Variants in DTHD1 observed in about 807,000 individuals in gnomAD.
The protein encoded by DTHD1 is death domain-containing protein 1.
In DTHD1, 59 loss-of-function variants were observed where a neutral mutation model predicts 74.8. The observed-to-expected ratio is 0.79, with a 90% CI of 0.64 to 0.98. The LOEUF is 0.98. DTHD1 is among the 50% of genes least tolerant of loss of function. The pLI is 0.00. For missense variants in DTHD1, 1,051 were observed against 1,065.4 expected, an observed-to-expected ratio of 0.99 and a Z score of 0.19; for synonymous variants, 365 against 371.1, an observed-to-expected ratio of 0.98 and a Z score of 0.19.
At chr4:36,331,181 GTAAA>G (rs1380763813) in intron 8 of DTHD1, among the ~76,000 whole-genome samples, 1 of 151,890 alleles carries the variant, frequency 6.6e-6, no homozygotes, top group African/African-American at 2.4e-5. Context: ...TTATAATAAA[GTAAA>G]TAACCCTTTA....
In DTHD1 at chr4:36,308,466, A is replaced by G. The variant is rs1757191525; in HGVS notation, c.2068A>G (p.Arg690Gly). The change falls in exon 7 of 10, where the codon AGA becomes GGA. Residue 690 changes from arginine to glycine, a missense_variant. Coordinates refer to ENST00000639862, the MANE Select transcript of DTHD1 (RefSeq NM_001170700.3). ...TCGAGAAGGAGAACAACTTCTTTTA[A>G]GATTTACTGGAAACATATTTGCTTC... ...QVREGEQLLL[R>G]FTGNIFASSN... 3.2e-6 allele frequency: 5 copies of G among 1,551,340 alleles called. No individual in the cohort carries two copies. Among genetic ancestry groups the G allele is most frequent in the Non-Finnish European group, 3.5e-6 (4 of 1,146,794 alleles).
chr4:36,285,279 A>G (rs1383691950), intron 2 of DTHD1, among the ~76,000 whole-genome samples: 2 of 152,180 alleles, frequency 1.3e-5, no homozygotes, highest in African/African-American at 4.8e-5. Context: ...AAAAACTAGA[A>G]GACTGTAGGG....
In DTHD1 at chr4:36,281,637, G is replaced by T; in HGVS notation, c.-122G>T. ...AATAACCACTATGTTGTGAGAAAGT[G>T]CTGGGCTAGCTGACTCGGATCATCT... is the stretch of plus-strand genomic sequence containing the variant. On this transcript the variant is annotated 5_prime_UTR_variant, in exon 1 of 10. Transcript: ENST00000639862. 3 of 1,227,950 alleles carry T rather than the reference G, an allele frequency of 2.4e-6. No individual in the cohort carries two copies. Among genetic ancestry groups the T allele is most frequent in the Non-Finnish European group, 3.0e-6 (3 of 984,272 alleles). 76.1% of individuals were successfully genotyped at this position (1,227,950 alleles called of 1,614,324 possible). A position where few individuals can be genotyped will look rare whatever the true frequency, so the allele number is the denominator to read the frequency against.
intron 5 of DTHD1, among the ~76,000 whole-genome samples, chr4:36,302,221 G>A (rs565903677): frequency 2.6e-5 from 4 of 152,278 alleles, no homozygotes; most frequent in Non-Finnish European, 5.9e-5. Flanking sequence ...AGATCATGGG[G>A]GATCTTCCGT....
chr4:36,313,628 C>T (rs576166294), intron 7 of DTHD1, among the ~76,000 whole-genome samples: 24 of 152,122 alleles, frequency 1.6e-4, no homozygotes, highest in Non-Finnish European at 3.4e-4. Flanking sequence ...AATTTCATCC[C>T]AACTACATAT....
chr4:36,326,595 A>G (rs1758360333), intron 8 of DTHD1, among the ~76,000 whole-genome samples: 1 of 152,232 alleles, frequency 6.6e-6, no homozygotes, highest in South Asian at 2.1e-4. Flanking sequence ...CAGGGTTGAG[A>G]GCACTGCTCA....
At chr4:36,291,895 G>A (rs887386923) in intron 3 of DTHD1, among the ~76,000 whole-genome samples, 1 of 152,060 alleles carries the variant, frequency 6.6e-6, no homozygotes, top group African/African-American at 2.4e-5. Flanking sequence ...TTTTCTTTGG[G>A]CCACTGAACT....
At chr4:36,301,901 A>G (rs1756796729) in intron 5 of DTHD1, among the ~76,000 whole-genome samples, 1 of 152,144 alleles carries the variant, frequency 6.6e-6, no homozygotes. Flanking sequence ...ATAGAGAAAG[A>G]AATTTGAATG....
chr4:36,335,005 G>C (rs1294207154), intron 8 of DTHD1, among the ~76,000 whole-genome samples: 2 of 152,198 alleles, frequency 1.3e-5, no homozygotes, highest in Non-Finnish European at 2.9e-5. Context: ...ATCAGTGAAT[G>C]TCTAATTGGG....
At chr4:36,290,252 T>C (rs2109452366) in intron 2 of DTHD1, 121 bp from the exon 3 acceptor site, 1 of 1,041,468 alleles carries the variant, frequency 9.6e-7, no homozygotes, top group African/African-American at 1.6e-5. Flanking sequence ...GGTCACAGAG[T>C]TGATCAGAAC....
intron 2 of DTHD1, among the ~76,000 whole-genome samples, chr4:36,286,497 C>T (rs1220222642): frequency 6.6e-6 from 1 of 152,170 alleles, no homozygotes. Flanking sequence ...GTTGTCAATT[C>T]CCCCGTATAG....
At chr4:36,287,905 T>C (rs567467024) in intron 2 of DTHD1, among the ~76,000 whole-genome samples, 2 of 152,332 alleles carry the variant, frequency 1.3e-5, no homozygotes, top group African/African-American at 2.4e-5. Context: ...GATATATAGA[T>C]TGAGAAGATT....
intron 2 of DTHD1, among the ~76,000 whole-genome samples, chr4:36,286,548 T>C (rs187169416): frequency 6.6e-6 from 1 of 152,320 alleles, no homozygotes; most frequent in Non-Finnish European, 1.5e-5. Flanking sequence ...TGTCCTGGTG[T>C]ATACAAAAAG....
At chr4:36,307,428 C>G (rs966958549) in intron 6 of DTHD1, among the ~76,000 whole-genome samples, 9 of 152,306 alleles carry the variant, frequency 5.9e-5, no homozygotes, top group Admixed American at 1.3e-4. Context: ...AAATTTCCCT[C>G]TTTTATGACA....
At position 36,316,487 on chromosome 4, in the gene DTHD1, G is replaced by C; in HGVS notation, c.2340+1G>C. ...CAAATTACCATTGAAATTGCCAAAGGTGAGTTATTTTACTTTTCTAATTAC... is the reference window on the plus strand; with the variant it reads ...CAAATTACCATTGAAATTGCCAAAGCTGAGTTATTTTACTTTTCTAATTAC... On this transcript the variant is annotated splice_donor_variant, in intron 8 of 9. Transcript: ENST00000639862. LOFTEE classifies it high-confidence loss of function. 1 of 1,545,334 alleles carries C rather than the reference G, an allele frequency of 6.5e-7. No individual in the cohort carries two copies. The highest frequency in any genetic ancestry group is 8.7e-7 in the Non-Finnish European group (1 of 1,145,296).
rs1364767474 is a variant in DTHD1 at position 36,344,629 on chromosome 4, A to C, written c.*805A>C. On this transcript the variant is annotated 3_prime_UTR_variant, in exon 10 of 10. Coordinates refer to ENST00000639862, the MANE Select transcript of DTHD1 (RefSeq NM_001170700.3). ...ATTGTAAATATTTCTGATCAGTCCTAAGGTCTGTTGAAATTTATGCTGGCC... is the reference window on the plus strand; with the variant it reads ...ATTGTAAATATTTCTGATCAGTCCTCAGGTCTGTTGAAATTTATGCTGGCC... 3.3e-5 allele frequency: 5 copies of C among 152,186 alleles called. No individual in the cohort carries two copies. Among genetic ancestry groups the C allele is most frequent in the Non-Finnish European group, 5.9e-5 (4 of 68,040 alleles). The allele number at this position is 152,186 out of a possible 1,614,324, so 9.4% of individuals were successfully genotyped here.
intron 8 of DTHD1, among the ~76,000 whole-genome samples, chr4:36,329,286 T>G (rs1201770713): frequency 2.0e-5 from 3 of 152,146 alleles, no homozygotes; most frequent in African/African-American, 4.8e-5. Context: ...ATAGTGGTTT[T>G]TCTCTTTACC....
chr4:36,295,174 G>T, intron 5 of DTHD1, 135 bp downstream of exon 5: 2 of 1,145,016 alleles, frequency 1.7e-6, no homozygotes, highest in East Asian at 2.8e-5. Context: ...CTAGAAAGAA[G>T]ATATTGTGGA....
chr4:36,333,240 T>G (rs1341646993), intron 8 of DTHD1, among the ~76,000 whole-genome samples: 1 of 152,042 alleles, frequency 6.6e-6, no homozygotes, highest in African/African-American at 2.4e-5. Context: ...ATGTGAAATA[T>G]ACAAATATAT....
Sources: gnomAD v4.1 joint callset for allele counts (sites outside exome capture counted in the v4.1 genomes callset) on GRCh38, gnomAD v4.1.1 for gene constraint, MANE v1.5 for transcripts, NCBI Gene and HGNC (gene_info 2026-07-23, HGNC 2026-07-21) for gene names.